Variants in NUDT3 observed in about 807,000 individuals in gnomAD.
NUDT3 encodes diphosphoinositol polyphosphate phosphohydrolase 1.
NUDT3 carries 9 observed loss-of-function variants against 23.6 expected under a neutral mutation model. That is an observed-to-expected ratio of 0.38 (90% confidence interval 0.23 to 0.66). NUDT3 has a LOEUF of 0.66. Ranked by LOEUF, NUDT3 falls within the 30% of genes least tolerant of loss-of-function variation. The pLI, the probability that NUDT3 is intolerant of heterozygous loss-of-function variation, is 0.52. For missense variants in NUDT3, 172 were observed against 218.5 expected, an observed-to-expected ratio of 0.79 and a Z score of 1.34; for synonymous variants, 86 against 82.6, an observed-to-expected ratio of 1.04 and a Z score of -0.22.
At chr6:34,356,244 CA>C (rs1346364228) in intron 1 of NUDT3, among the ~76,000 whole-genome samples, 1 of 152,098 alleles carries the variant, frequency 6.6e-6, no homozygotes, top group Non-Finnish European at 1.5e-5. Context: ...TACGTACCCA[CA>C]AAAATTAAAA....
chr6:34,390,100 T>C (rs1293655137), intron 1 of NUDT3, among the ~76,000 whole-genome samples: 2 of 152,088 alleles, frequency 1.3e-5, no homozygotes, highest in Non-Finnish European at 2.9e-5. Context: ...ATCACGCCAC[T>C]GCACTCCAGC....
chr6:34,343,094 A>C (rs777588369), intron 1 of NUDT3, among the ~76,000 whole-genome samples: 6 of 152,192 alleles, frequency 3.9e-5, no homozygotes, highest in Non-Finnish European at 8.8e-5. Flanking sequence ...ATACTCAGTC[A>C]CTAATATATA....
chr6:34,342,665 C>T (rs185390350), intron 1 of NUDT3, among the ~76,000 whole-genome samples: 1 of 152,190 alleles, frequency 6.6e-6, no homozygotes, highest in Admixed American at 6.5e-5. Context: ...TTACTTACCC[C>T]TCTCTGTAGG....
chr6:34,326,377 G>A (rs989290475), intron 2 of NUDT3, among the ~76,000 whole-genome samples: 2 of 152,162 alleles, frequency 1.3e-5, no homozygotes, highest in Non-Finnish European at 2.9e-5. Flanking sequence ...TAAGAGGTTG[G>A]AGTTTATCAA....
intron 1 of NUDT3, among the ~76,000 whole-genome samples, chr6:34,366,081 G>GT (rs1226809276): frequency 8.0e-5 from 12 of 150,656 alleles, no homozygotes; most frequent in Admixed American, 1.3e-4. Flanking sequence ...TTTTTAAAAA[G>GT]TAAGTAGAAT....
intron 2 of NUDT3, among the ~76,000 whole-genome samples, chr6:34,297,729 AAAT>A (rs1423781543): frequency 0.051 from 1,984 of 38,792 alleles, 23 homozygotes; most frequent in African/African-American, 0.1. Flanking sequence ...AAAAAAAAAA[AAAT>A]ATATATATAT....
intron 2 of NUDT3, among the ~76,000 whole-genome samples, chr6:34,335,549 C>G (rs1764195998): frequency 6.6e-6 from 1 of 151,986 alleles, no homozygotes; most frequent in East Asian, 1.9e-4. Context: ...CTTATTCTGG[C>G]TGGCAGTCTT....
intron 2 of NUDT3, among the ~76,000 whole-genome samples, chr6:34,307,570 T>A (rs1481098670): frequency 6.6e-6 from 1 of 152,156 alleles, no homozygotes; most frequent in African/African-American, 2.4e-5. Flanking sequence ...TGGGAGAACC[T>A]GTCTCTAAAA....
At chr6:34,392,151 C>T in intron 1 of NUDT3, 113 bp downstream of exon 1, 2 of 712,288 alleles carry the variant, frequency 2.8e-6, no homozygotes, top group Non-Finnish European at 2.2e-6. Flanking sequence ...AACTTCATTC[C>T]GCCCGAGCGG....
chr6:34,366,098 G>A (rs1764724411), intron 1 of NUDT3, among the ~76,000 whole-genome samples: 1 of 151,278 alleles, frequency 6.6e-6, no homozygotes, highest in African/African-American at 2.4e-5. Context: ...GAATGGGTCA[G>A]GCTCACACCT....
Position 34,285,668 on chromosome 6 carries a change from G to A in NUDT3, c.*3085C>T, listed in dbSNP as rs1469396628. ...CTTTCTTTTGATTATTTTCTTTGGG[G>A]AGATAAAGGTATTGCAACCATGGGT... On this transcript the variant is annotated 3_prime_UTR_variant, in exon 5 of 5. Transcript: ENST00000607016. 6.6e-6 allele frequency: 1 copy of A among 152,178 alleles called. No individual in the cohort carries two copies. Among genetic ancestry groups the A allele is most frequent in the East Asian group, 1.9e-4 (1 of 5,200 alleles). The allele number at this position is 152,178 out of a possible 1,614,324, so 9.4% of individuals were successfully genotyped here.
intron 1 of NUDT3, among the ~76,000 whole-genome samples, chr6:34,387,173 T>C (rs1215493279): frequency 6.6e-6 from 1 of 152,214 alleles, no homozygotes; most frequent in Non-Finnish European, 1.5e-5. Context: ...TGATAGTAAA[T>C]GACTATTACT....
chr6:34,291,107 C>CA (rs1157848112), intron 4 of NUDT3, among the ~76,000 whole-genome samples: 1 of 151,882 alleles, frequency 6.6e-6, no homozygotes, highest in African/African-American at 2.4e-5. Context: ...TACAGGTGCA[C>CA]ACCACCACGC....
intron 1 of NUDT3, among the ~76,000 whole-genome samples, chr6:34,381,790 A>G (rs1765021777): frequency 6.6e-6 from 1 of 151,954 alleles, no homozygotes; most frequent in Non-Finnish European, 1.5e-5. Flanking sequence ...ATATTAAATA[A>G]TCGGCTGGGC....
At position 34,337,101 on chromosome 6, in the gene NUDT3, T is replaced by A. The variant is rs548272442; in HGVS notation, c.210+4761A>T. Reference sequence around the variant, plus strand: ...GGAAGCCACTGAACTGTTTCTGTAATGACATGTTCTCTTATTTTTATTGTT... The same window carrying A: ...GGAAGCCACTGAACTGTTTCTGTAAAGACATGTTCTCTTATTTTTATTGTT... On this transcript the variant is annotated intron_variant, in intron 2 of 4. Transcript: ENST00000607016. 2.2e-4 allele frequency among the ~76,000 whole-genome samples: 34 copies of A among 152,084 alleles called. No individual in the cohort carries two copies. The South Asian group carries it at 7.0e-3, about 31-fold the overall frequency.
At chr6:34,299,129 CAT>C (rs1197277999) in intron 2 of NUDT3, among the ~76,000 whole-genome samples, 10 of 152,304 alleles carry the variant, frequency 6.6e-5, no homozygotes, top group African/African-American at 2.2e-4. Flanking sequence ...TTATCTGTCA[CAT>C]GATTCCTGCA....
chr6:34,351,652 A>C (rs1379804181), intron 1 of NUDT3, among the ~76,000 whole-genome samples: 1 of 146,538 alleles, frequency 6.8e-6, no homozygotes, highest in Non-Finnish European at 1.5e-5. Flanking sequence ...GAAGGAGGAG[A>C]ATTGCTTGGA....
intron 1 of NUDT3, among the ~76,000 whole-genome samples, chr6:34,368,493 T>C (rs1303104308): frequency 6.6e-6 from 1 of 152,202 alleles, no homozygotes; most frequent in Admixed American, 6.6e-5. Context: ...CTGGTTTATT[T>C]GGCTGTCATT....
intron 1 of NUDT3, among the ~76,000 whole-genome samples, chr6:34,377,058 T>TGTCTTTTGCAGTCCAAG (rs1300517476): frequency 6.6e-6 from 1 of 152,178 alleles, no homozygotes; most frequent in East Asian, 1.9e-4. Flanking sequence ...CAAGACTGAC[T>TGTCTTTTGCAGTCCAAG]ACTTCTGTAT....
Sources: gnomAD v4.1 joint callset for allele counts (sites outside exome capture counted in the v4.1 genomes callset) on GRCh38, gnomAD v4.1.1 for gene constraint, MANE v1.5 for transcripts, NCBI Gene and HGNC (gene_info 2026-07-23, HGNC 2026-07-21) for gene names.